GRM7: variants seen among roughly 807,000 people sequenced by gnomAD.
The protein encoded by GRM7 is metabotropic glutamate receptor 7.
A neutral mutation model predicts 84.5 loss-of-function variants in GRM7; 35 were observed. The ratio of observed to expected loss-of-function variants is 0.41; its 90% CI spans 0.32 to 0.55. The LOEUF is 0.55. Among genes scored for constraint, GRM7 ranks in the 20% least tolerant of loss-of-function variants. The pLI, the probability that GRM7 is intolerant of heterozygous loss-of-function variation, is 0.19. For synonymous variants in GRM7, 487 were observed against 455.1 expected, an observed-to-expected ratio of 1.07 and a Z score of -0.89; for missense variants, 1,003 against 1,194.6, an observed-to-expected ratio of 0.84 and a Z score of 2.36.
At chr3:7,000,974 T>G (rs1694993108) in intron 1 of GRM7, among the ~76,000 whole-genome samples, 1 of 152,140 alleles carries the variant, frequency 6.6e-6, no homozygotes, top group Non-Finnish European at 1.5e-5. Flanking sequence ...GGAAAAAATA[T>G]AGTATGCTTG....
Position 7,449,337 on chromosome 3 carries a change from T to C in GRM7, c.1175-3270T>C, listed in dbSNP as rs76233869. On this transcript the variant is annotated intron_variant, in intron 5 of 9. Coordinates refer to ENST00000357716, the MANE Select transcript of GRM7 (RefSeq NM_000844.4). ...CTATTGAGAGAAGCAAAAGTAGACT[T>C]GAGCAAACGAAGATACAGATAGGAA... Among the ~76,000 whole-genome samples, 496 of 152,208 alleles carry C rather than the reference T, an allele frequency of 3.3e-3. 2 individuals are homozygous for C. Among genetic ancestry groups the C allele is most frequent in the East Asian group, 0.021 (107 of 5,184 alleles).
chr3:7,653,259 A>G lies in GRM7; in HGVS notation c.2452-26790A>G, dbSNP rs1392492364. ...CCTAACTGTAAATGCTTTTAGGACAAGCACTCAATAAATGGCATCATTTAT... is the reference window on the plus strand; with the variant it reads ...CCTAACTGTAAATGCTTTTAGGACAGGCACTCAATAAATGGCATCATTTAT... On this transcript the variant is annotated intron_variant, in intron 8 of 9. Transcript: ENST00000357716. 2.7e-5 allele frequency among the ~76,000 whole-genome samples: 4 copies of G among 146,114 alleles called. No individual in the cohort carries two copies. In the East Asian group the frequency reaches 6.0e-4, roughly 22 times the overall value.
chr3:7,297,639 CTA>C (rs1392511102), intron 2 of GRM7, among the ~76,000 whole-genome samples: 1 of 150,558 alleles, frequency 6.6e-6, no homozygotes, highest in Non-Finnish European at 1.5e-5. Flanking sequence ...TTATATTTGT[CTA>C]TGTTTGTGGA....
chr3:7,513,680 A>G (rs1029523798), intron 7 of GRM7, among the ~76,000 whole-genome samples: 3 of 152,232 alleles, frequency 2.0e-5, no homozygotes, highest in Admixed American at 6.5e-5. Context: ...TTTGATCATT[A>G]CACATTGTGT....
chr3:7,058,712 G>A (rs74285835), intron 1 of GRM7, among the ~76,000 whole-genome samples: 5,032 of 151,846 alleles, frequency 0.033, 98 homozygotes, highest in South Asian at 0.063. Flanking sequence ...AGAGTATACC[G>A]AACAAAGGAG....
At chr3:7,067,708 A>T (rs935135963) in intron 1 of GRM7, among the ~76,000 whole-genome samples, 2 of 151,900 alleles carry the variant, frequency 1.3e-5, no homozygotes, top group Non-Finnish European at 2.9e-5. Flanking sequence ...GTGTCTAAAG[A>T]CTATTGGCCA....
chr3:7,109,102 G>C (rs774534227), intron 1 of GRM7, among the ~76,000 whole-genome samples: 1 of 152,002 alleles, frequency 6.6e-6, no homozygotes, highest in African/African-American at 2.4e-5. Context: ...AAAAGAGGCT[G>C]ATATGAAATG....
chr3:7,088,227 G>C (rs1305951483), intron 1 of GRM7, among the ~76,000 whole-genome samples: 2 of 152,168 alleles, frequency 1.3e-5, no homozygotes, highest in Non-Finnish European at 2.9e-5. Flanking sequence ...TCCCACAGAG[G>C]ACACTCCTGC....
rs551480130 is a variant in GRM7, at chr3:7,509,566, A to G, written c.1515+47844A>G. ...ATAAAGAGGAACTAAGTAAGATCCA[A>G]TCTGATAAGCCACTTCATAGTGAAC... On this transcript the variant is annotated intron_variant, in intron 7 of 9. Coordinates refer to ENST00000357716, the MANE Select transcript of GRM7 (RefSeq NM_000844.4). Among the ~76,000 whole-genome samples, 33 of 152,348 alleles carry G rather than the reference A, an allele frequency of 2.2e-4. No individual in the cohort carries two copies. In the South Asian group the frequency reaches 6.8e-3, roughly 32 times the overall value.
At chr3:6,972,286 T>C (rs1693787262) in intron 1 of GRM7, among the ~76,000 whole-genome samples, 1 of 152,136 alleles carries the variant, frequency 6.6e-6, no homozygotes, top group Non-Finnish European at 1.5e-5. Flanking sequence ...TTTCTCTGAG[T>C]TAGATTTTGA....
chr3:6,969,154 GC>G (rs1693641577), intron 1 of GRM7, among the ~76,000 whole-genome samples: 1 of 151,410 alleles, frequency 6.6e-6, no homozygotes, highest in South Asian at 2.1e-4. Flanking sequence ...TATTTTGCTT[GC>G]TTTTTTTGTT....
chr3:7,279,677 C>A (rs1225667646), intron 2 of GRM7, among the ~76,000 whole-genome samples: 5 of 152,174 alleles, frequency 3.3e-5, no homozygotes, highest in African/African-American at 1.2e-4. Context: ...TACCTGAGAC[C>A]TTCATGCCTT....
At chr3:7,264,645 C>T (rs780009568) in intron 2 of GRM7, among the ~76,000 whole-genome samples, 14 of 152,188 alleles carry the variant, frequency 9.2e-5, no homozygotes, top group Non-Finnish European at 1.9e-4. Flanking sequence ...GCTAGGAGTG[C>T]ACCGGTATTC....
intron 4 of GRM7, among the ~76,000 whole-genome samples, chr3:7,381,680 C>G (rs191083612): frequency 3.4e-4 from 52 of 152,236 alleles, no homozygotes; most frequent in African/African-American, 1.2e-3. Flanking sequence ...AGTGACTACA[C>G]TATTGGTTTG....
intron 1 of GRM7, among the ~76,000 whole-genome samples, chr3:6,999,299 C>G (rs1158063301): frequency 6.6e-6 from 1 of 152,194 alleles, no homozygotes; most frequent in Non-Finnish European, 1.5e-5. Context: ...ACTTCATTGT[C>G]CATATCACTG....
At chr3:7,299,689 C>A (rs1699931081) in intron 3 of GRM7, among the ~76,000 whole-genome samples, 1 of 152,018 alleles carries the variant, frequency 6.6e-6, no homozygotes. Context: ...TCCTGTTCAG[C>A]ATTTTATTTA....
In GRM7 at chr3:6,979,107, A is replaced by T. The variant is rs144467587; in HGVS notation, c.519+117200A>T. 6.4e-4 allele frequency among the ~76,000 whole-genome samples: 97 copies of T among 152,286 alleles called. 2 individuals carry two copies. The East Asian group carries it at 0.015, about 24-fold the overall frequency. ...CTCTTTCATTGATCAGTAAGTATCG[A>T]CACTAAAATATTTCCCAGTAAGATT... On this transcript the variant is annotated intron_variant, in intron 1 of 9. Coordinates refer to ENST00000357716, the MANE Select transcript of GRM7 (RefSeq NM_000844.4).
At chr3:7,623,610 G>T (rs1346019393) in intron 8 of GRM7, among the ~76,000 whole-genome samples, 1 of 152,072 alleles carries the variant, frequency 6.6e-6, no homozygotes, top group Admixed American at 6.6e-5. Flanking sequence ...TGCCCACTTG[G>T]CTGACTGCAG....
chr3:6,894,467 A>G (rs1323174517), intron 1 of GRM7, among the ~76,000 whole-genome samples: 1 of 152,148 alleles, frequency 6.6e-6, no homozygotes, highest in African/African-American at 2.4e-5. Context: ...TATTGTTTCT[A>G]TCCTAAAAAT....
Sources: gnomAD v4.1 joint callset for allele counts (sites outside exome capture counted in the v4.1 genomes callset) on GRCh38, gnomAD v4.1.1 for gene constraint, MANE v1.5 for transcripts, NCBI Gene and HGNC (gene_info 2026-07-23, HGNC 2026-07-21) for gene names.